LRRN4: variants seen among roughly 807,000 people sequenced by gnomAD.
LRRN4 encodes the protein leucine rich repeat neuronal 4, also known as leucine-rich repeat neuronal protein 4.
A neutral mutation model predicts 22.3 loss-of-function variants in LRRN4; 26 were observed. The observed-to-expected ratio is 1.16, with a 90% CI of 0.85 to 1.62. LRRN4 has a LOEUF of 1.62. Among genes scored for constraint, LRRN4 ranks in the 40% most tolerant of loss-of-function variants. The pLI is 0.00. For synonymous variants in LRRN4, 496 were observed against 486.2 expected (o/e 1.02, Z -0.26); for missense variants, 1,070 against 1,008.5 (o/e 1.06, Z -0.83).
intron 3 of LRRN4, among the ~76,000 whole-genome samples, chr20:6,047,139 C>A (rs548122035): frequency 6.6e-6 from 1 of 152,164 alleles, no homozygotes; most frequent in East Asian, 1.9e-4. Flanking sequence ...CACCCAGTGC[C>A]ACCTACACGT....
rs1029857155 is a variant in LRRN4, at chr20:6,044,646, C to A, written c.895G>T (p.Asp299Tyr). The change falls in exon 4 of 5, where the codon GAT becomes TAT. Residue 299 changes from aspartate (D) to tyrosine (Y), a missense_variant. Coordinates refer to ENST00000378858, the MANE Select transcript of LRRN4 (RefSeq NM_152611.5). ...NLSSFPPWTL[D>Y]SSQVLSINLF... ...TTGATCGATAGGACCTGGGAGGAAT[C>A]CAGGGTCCAAGGAGGGAAGGAACTC... 5 of 1,582,408 alleles carry A rather than the reference C, an allele frequency of 3.2e-6. No individual in the cohort carries two copies. Among genetic ancestry groups the A allele is most frequent in the Non-Finnish European group, 4.3e-6 (5 of 1,165,204 alleles).
chr20:6,042,689 G>T (rs6053841), intron 4 of LRRN4, among the ~76,000 whole-genome samples: 1 of 152,080 alleles, frequency 6.6e-6, no homozygotes, highest in Admixed American at 6.5e-5. Context: ...GGGAAGCTGA[G>T]GCGGGCAGAT....
chr20:6,050,733 G>A lies in LRRN4; in HGVS notation c.860+46C>T. On this transcript the variant is annotated intron_variant, in intron 3 of 4. Transcript: ENST00000378858. The stretch of plus-strand genomic sequence containing the variant: ...CTATAAAATTCAACATAGCGTAATG[G>A]GCAAAAATCAGTCATGTGATGAAGA... The A allele has an allele frequency of 6.4e-6, 10 of 1,568,956 alleles. 1 individual carries two copies. The highest frequency in any genetic ancestry group is 8.8e-6 in the Non-Finnish European group (10 of 1,139,990).
intron 3 of LRRN4, 78 bp from the exon 4 acceptor site, chr20:6,044,758 C>G (rs1184513391): frequency 1.6e-6 from 2 of 1,271,462 alleles, no homozygotes; most frequent in East Asian, 5.6e-5. Context: ...GGCATGGTGT[C>G]AGAACCATGC....
rs556382654 is a variant in LRRN4, at chr20:6,052,322, C to A, written c.478G>T (p.Ala160Ser). The change falls in exon 2 of 5, where the codon GCG becomes TCG. Residue 160 changes from alanine (A) to serine (S), a missense_variant. Physicochemically the swap from Ala to Ser is moderately conservative, Grantham distance 99. Transcript: ENST00000378858. ...CAGGCGAAGGCCCGGGGCTGCAGCG[C>A]CCGCAGCGGATTCCCGGCGAGCGCC... ...ALALAGNPLRALQPRAFACFP... is the reference protein window; with the variant it reads ...ALALAGNPLRSLQPRAFACFP... 1.7e-4 allele frequency: 259 copies of A among 1,514,890 alleles called. 1 individual carries two copies. The highest frequency in any genetic ancestry group is 8.9e-4 in the South Asian group (72 of 81,096). The allele number at this position is 1,514,890 out of a possible 1,614,324, so 93.8% of individuals were successfully genotyped here. A position where few individuals can be genotyped will look rare whatever the true frequency, so the allele number is the denominator to read the frequency against.
chr20:6,047,503 A>G (rs1201359950), intron 3 of LRRN4, among the ~76,000 whole-genome samples: 1 of 151,144 alleles, frequency 6.6e-6, no homozygotes, highest in African/African-American at 2.4e-5. Flanking sequence ...AGAGTGGACC[A>G]TGGCTGGGAG....
At chr20:6,047,018 T>C (rs1400857668) in intron 3 of LRRN4, among the ~76,000 whole-genome samples, 16 of 152,140 alleles carry the variant, frequency 1.1e-4, no homozygotes, top group Admixed American at 1.0e-3. Flanking sequence ...CATTGTCTCA[T>C]TAACATCACT....
intron 3 of LRRN4, among the ~76,000 whole-genome samples, chr20:6,045,337 C>T (rs1387313904): frequency 6.7e-6 from 1 of 148,264 alleles, no homozygotes; most frequent in Non-Finnish European, 1.5e-5. Flanking sequence ...ACTCGGGAGG[C>T]TGAGGCAGGA....
rs149925619 is a variant in LRRN4 at position 6,042,036 on chromosome 20, C to T, written c.1209G>A (p.Gln403=). Residue 403 remains glutamine (Q), a synonymous_variant, in exon 5 of 5, where the codon CAG becomes CAA. Transcript: ENST00000378858. ...AAPATRPAGD[Q]QSVSKAPNVG... is the part of the protein sequence containing the mutation. ...CGTTAGGGGCCTTGGAGACACTCTG[C>T]TGGTCTCCCGCAGGCCGGGTGGCGG... The T allele has an allele frequency of 6.2e-7, 1 of 1,613,920 alleles. No homozygotes were observed. The highest frequency in any genetic ancestry group is 2.2e-5 in the East Asian group (1 of 44,868).
rs758461754 is a variant in LRRN4 at position 6,044,611 on chromosome 20, G to A, written c.930C>T (p.Gly310=). The A allele has an allele frequency of 6.3e-7, 1 of 1,595,016 alleles. No homozygotes were observed. Among genetic ancestry groups the A allele is most frequent in the South Asian group, 1.2e-5 (1 of 86,066 alleles). Reference sequence around the variant, plus strand: ...AGTCACAACTGCAAGTGAGGGGGTTGCCAAAGAGGTTGATCGATAGGACCT... The same window carrying A: ...AGTCACAACTGCAAGTGAGGGGGTTACCAAAGAGGTTGATCGATAGGACCT... ...SSQVLSINLF[G]NPLTCSCDLS... Residue 310 remains glycine, a synonymous_variant, in exon 4 of 5, where the codon GGC becomes GGT. Transcript: ENST00000378858.
At position 6,052,482 on chromosome 20, in the gene LRRN4, C is replaced by G. The variant is rs1309510128; in HGVS notation, c.318G>C (p.Leu106=). The G allele has an allele frequency of 3.2e-6, 5 of 1,572,328 alleles. No individual in the cohort carries two copies. The highest frequency in any genetic ancestry group is 3.6e-5 in the Admixed American group (2 of 55,258). Residue 106 remains leucine, a synonymous_variant, in exon 2 of 5, where the codon CTG becomes CTC. Coordinates refer to ENST00000378858, the MANE Select transcript of LRRN4 (RefSeq NM_152611.5). ...GCAGCGCGGCGATGCGGTTGTGGCG[C>G]AGGGTCAGCACCTGCAGCTGCTCCA... ...GHLEQLQVLT[L]RHNRIAALRW...
rs893944735 is a variant in LRRN4 at position 6,052,535 on chromosome 20, C to T, written c.265G>A (p.Ala89Thr). The part of the protein sequence containing the change: ...SLDASHNLLR[A>T]LSTSELGHLE... Reference sequence around the variant, plus strand: ...TGGCCGAGCTCGGAAGTGCTCAGGGCGCGCAGCAGGTTGTGGCTGGCGTCG... The same window carrying T: ...TGGCCGAGCTCGGAAGTGCTCAGGGTGCGCAGCAGGTTGTGGCTGGCGTCG... The change falls in exon 2 of 5, where the codon GCC (alanine) becomes ACC (threonine). Residue 89 changes from alanine to threonine, a missense_variant. By Grantham distance (58) the Ala-to-Thr change is moderately conservative. Coordinates refer to ENST00000378858, the MANE Select transcript of LRRN4 (RefSeq NM_152611.5). The T allele has an allele frequency of 2.5e-6, 4 of 1,588,052 alleles. No individual in the cohort carries two copies. Among genetic ancestry groups the T allele is most frequent in the Non-Finnish European group, 3.4e-6 (4 of 1,175,082 alleles).
In LRRN4 at chr20:6,051,130, G is replaced by C; in HGVS notation, c.656-147C>G. 4.1e-6 allele frequency: 3 copies of C among 724,242 alleles called. No homozygotes were observed. The South Asian group carries it at 4.8e-5, about 12-fold the overall frequency. 44.9% of individuals were successfully genotyped at this position (724,242 alleles called of 1,614,324 possible). On this transcript the variant is annotated intron_variant, in intron 2 of 4. Coordinates refer to ENST00000378858, the MANE Select transcript of LRRN4 (RefSeq NM_152611.5). Reference sequence around the variant, plus strand: ...ACAGTTAGCAGCTCTGGGAATCTCAGAATTGTGGTCATTTCAGCTGGAAGG... The same window carrying C: ...ACAGTTAGCAGCTCTGGGAATCTCACAATTGTGGTCATTTCAGCTGGAAGG...
At chr20:6,046,233 G>A (rs778723458) in intron 3 of LRRN4, among the ~76,000 whole-genome samples, 1 of 148,800 alleles carries the variant, frequency 6.7e-6, no homozygotes, top group African/African-American at 2.4e-5. Flanking sequence ...GATTGCTTGA[G>A]TTAGAGGTTA....
In LRRN4 at chr20:6,041,143, A is replaced by G. The variant is rs1304092285; in HGVS notation, c.2102T>C (p.Leu701Pro). The G allele has an allele frequency of 3.7e-6, 6 of 1,608,708 alleles. No individual in the cohort carries two copies. Among genetic ancestry groups the G allele is most frequent in the South Asian group, 1.1e-5 (1 of 90,582 alleles). ...SGLLLASTVV[L>P]SACLCRRGQT... is the part of the protein sequence containing the mutation. ...GCCCCGCCTGCAGAGACATGCGGAC[A>G]GCACCACGGTGCTGGCGAGCAACAG... is the stretch of plus-strand genomic sequence containing the variant. The change falls in exon 5 of 5, where the codon CTG (leucine) becomes CCG (proline). Residue 701 changes from leucine (L) to proline (P), a missense_variant. Transcript: ENST00000378858. This position sits in a 1 kb window ranked among gnomAD's most constrained non-coding sequence, Gnocchi z 9.4.
rs1304511074 is a variant in LRRN4, at chr20:6,052,376, C to T, written c.424G>A (p.Gly142Arg). The part of the protein sequence containing the change: ...NQLAALPPCT[G>R]PALSSLRALA... The stretch of plus-strand genomic sequence containing the variant: ...GCGCGGAGGCTGCTCAGCGCGGGCC[C>T]GGTGCACGGCGGCAGAGCGGCCAGC... The change falls in exon 2 of 5, where the codon GGG becomes AGG. Residue 142 changes from glycine to arginine, a missense_variant. Physicochemically the swap from Gly to Arg is moderately radical, Grantham distance 125. Transcript: ENST00000378858. 6.6e-7 allele frequency: 1 copy of T among 1,520,646 alleles called. No individual in the cohort carries two copies. The highest frequency in any genetic ancestry group is 8.7e-7 in the Non-Finnish European group (1 of 1,143,438). The allele number at this position is 1,520,646 out of a possible 1,614,324, so 94.2% of individuals were successfully genotyped here.
chr20:6,044,102 A>T (rs1160399271), intron 4 of LRRN4, among the ~76,000 whole-genome samples: 1 of 152,180 alleles, frequency 6.6e-6, no homozygotes, highest in Non-Finnish European at 1.5e-5. Context: ...TCTAGCCAAT[A>T]GTCTTCATAG....
Position 6,050,778 on chromosome 20 carries a change from C to A in LRRN4, c.860+1G>T. ...TGAAGATGTGCCTCAGAAGCACTTA[C>A]TTCTGGAACAGAAGGACCTGTAGAT... On this transcript the variant is annotated splice_donor_variant, in intron 3 of 4. Coordinates refer to ENST00000378858, the MANE Select transcript of LRRN4 (RefSeq NM_152611.5). LOFTEE classifies it high-confidence loss of function. The A allele has an allele frequency of 6.2e-7, 1 of 1,613,574 alleles. No homozygotes were observed. The highest frequency in any genetic ancestry group is 8.5e-7 in the Non-Finnish European group (1 of 1,179,820).
At position 6,050,900 on chromosome 20, in the gene LRRN4, C is replaced by T; in HGVS notation, c.739G>A (p.Asp247Asn). 1 of 1,614,114 alleles carries T rather than the reference C, an allele frequency of 6.2e-7. No homozygotes were observed. Among genetic ancestry groups the T allele is most frequent in the Non-Finnish European group, 8.5e-7 (1 of 1,180,016 alleles). Residue 247 changes from aspartate (D) to asparagine (N), a missense_variant, in exon 3 of 5, where the codon GAC becomes AAC. Coordinates refer to ENST00000378858, the MANE Select transcript of LRRN4 (RefSeq NM_152611.5). ...KMPRLTTLEGDIFKMTPNLQQ... is the reference protein window; with the variant it reads ...KMPRLTTLEGNIFKMTPNLQQ... Reference sequence around the variant, plus strand: ...AGGTTGGGGGTCATCTTGAAAATGTCCCCCTCCAGGGTCGTCAGCCGAGGC... The same window carrying T: ...AGGTTGGGGGTCATCTTGAAAATGTTCCCCTCCAGGGTCGTCAGCCGAGGC...
Sources: allele counts gnomAD v4.1 joint callset (sites outside exome capture counted in the v4.1 genomes callset), GRCh38; gene constraint gnomAD v4.1.1; non-coding constraint Gnocchi (gnomAD v3.1); transcripts MANE v1.5; gene names NCBI Gene and HGNC (gene_info 2026-07-23, HGNC 2026-07-21).